The following CCDC73 variants were observed in gnomAD, a reference collection of about 807,000 sequenced individuals.
The protein encoded by CCDC73 is coiled-coil domain containing 73.
CCDC73 carries 95 observed loss-of-function variants against 116.5 expected under a neutral mutation model. That is an observed-to-expected ratio of 0.82 (90% CI 0.69 to 0.97). The LOEUF (loss-of-function observed/expected upper bound fraction) is 0.97, where lower values mean the gene tolerates loss of function less well. Ranked by LOEUF, CCDC73 falls within the 50% of genes least tolerant of loss-of-function variation. The pLI is 0.00. For missense variants in CCDC73, 1,066 were observed against 1,206.8 expected, an observed-to-expected ratio of 0.88 and a Z score of 1.73; for synonymous variants, 398 against 401.3, an observed-to-expected ratio of 0.99 and a Z score of 0.10.
intron 1 of CCDC73, among the ~76,000 whole-genome samples, chr11:32,792,315 A>G (rs1385137459): frequency 6.6e-6 from 1 of 152,158 alleles, no homozygotes. Flanking sequence ...AAAAAACATA[A>G]GTGTACACTG....
At position 32,613,975 on chromosome 11, in the gene CCDC73, A is replaced by G; in HGVS notation, c.2343T>C (p.Asn781=). The G allele has an allele frequency of 1.2e-6, 2 of 1,610,870 alleles. No individual in the cohort carries two copies. The highest frequency in any genetic ancestry group is 1.3e-5 in the African/African-American group (1 of 75,024). ...NVNISHLHLN[N]ENSHASQAKD... is the part of the protein sequence containing the mutation. Reference sequence around the variant, plus strand: ...TGGCTTGTGAAGCATGACTATTCTCATTGTTAAGATGAAGATGGGAAATGT... The same window carrying G: ...TGGCTTGTGAAGCATGACTATTCTCGTTGTTAAGATGAAGATGGGAAATGT... The change falls in exon 16 of 18, where the codon AAT becomes AAC. Residue 781 remains asparagine, a synonymous_variant. Coordinates refer to ENST00000335185, the MANE Select transcript of CCDC73 (RefSeq NM_001008391.4).
chr11:32,625,786 A>G (rs553505442), intron 14 of CCDC73, among the ~76,000 whole-genome samples: 29 of 152,236 alleles, frequency 1.9e-4, no homozygotes, highest in Non-Finnish European at 4.0e-4. Flanking sequence ...ACAGCCCTTC[A>G]TGCTAAAAAC....
intron 1 of CCDC73, among the ~76,000 whole-genome samples, chr11:32,784,992 G>C (rs368398183): frequency 6.6e-6 from 1 of 152,058 alleles, no homozygotes; most frequent in South Asian, 2.1e-4. Flanking sequence ...TGGCCAACAC[G>C]GTGAAACCCC....
At position 32,613,679 on chromosome 11, in the gene CCDC73, C is replaced by A; in HGVS notation, c.2639G>T (p.Arg880Ile). Reference protein sequence around the residue: ...HIEPSGDLVNRSGRSTFDLST... With the variant: ...HIEPSGDLVNISGRSTFDLST... ...AAGATCAAAGGTTGACCTTCCGCTT[C>A]TGTTTACTAAATCTCCAGATGGCTC... The change falls in exon 16 of 18, where the codon AGA (arginine) becomes ATA (isoleucine). Residue 880 changes from arginine to isoleucine, a missense_variant. Physicochemically the swap from Arg to Ile is moderately conservative, Grantham distance 97. Coordinates refer to ENST00000335185, the MANE Select transcript of CCDC73 (RefSeq NM_001008391.4). 1 of 1,614,104 alleles carries A rather than the reference C, an allele frequency of 6.2e-7. No homozygotes were observed. Among genetic ancestry groups the A allele is most frequent in the Non-Finnish European group, 8.5e-7 (1 of 1,179,990 alleles).
At chr11:32,751,716 T>A (rs1425901284) in intron 2 of CCDC73, among the ~76,000 whole-genome samples, 2 of 152,170 alleles carry the variant, frequency 1.3e-5, no homozygotes, top group African/African-American at 4.8e-5. Context: ...CAGTGCCTCT[T>A]TCAGCAATAT....
At chr11:32,751,978 G>A (rs2133368062) in intron 2 of CCDC73, among the ~76,000 whole-genome samples, 1 of 152,348 alleles carries the variant, frequency 6.6e-6, no homozygotes, top group South Asian at 2.1e-4. Context: ...TCATGCAGAA[G>A]CATTTATATG....
At chr11:32,744,717 G>A (rs1419499131) in intron 2 of CCDC73, among the ~76,000 whole-genome samples, 2 of 152,180 alleles carry the variant, frequency 1.3e-5, no homozygotes, top group African/African-American at 4.8e-5. Flanking sequence ...AGTATTCTCT[G>A]ACAGTAGTTT....
At chr11:32,613,348 A>C in intron 16 of CCDC73, 74 bp downstream of exon 16, 1 of 1,248,294 alleles carries the variant, frequency 8.0e-7, no homozygotes, top group Non-Finnish European at 1.1e-6. Flanking sequence ...AATTTACAAA[A>C]TATGACTGTA....
intron 1 of CCDC73, among the ~76,000 whole-genome samples, chr11:32,778,896 C>T (rs1469229836): frequency 6.6e-6 from 1 of 151,994 alleles, no homozygotes; most frequent in East Asian, 1.9e-4. Context: ...AAGAAGATTA[C>T]GTATTTCTCC....
intron 2 of CCDC73, among the ~76,000 whole-genome samples, chr11:32,728,858 C>A (rs1416815827): frequency 1.3e-5 from 2 of 152,154 alleles, no homozygotes; most frequent in Admixed American, 1.3e-4. Flanking sequence ...GAGTGCACCA[C>A]CACACTCGAC....
At chr11:32,639,163 C>A (rs1262528855) in intron 13 of CCDC73, among the ~76,000 whole-genome samples, 3 of 149,906 alleles carry the variant, frequency 2.0e-5, no homozygotes, top group East Asian at 2.0e-4. Flanking sequence ...ACACCCCCCC[C>A]AAAAAATCCT....
rs1850524850 is a variant in CCDC73 at position 32,775,333 on chromosome 11, T to C, written c.-15-15075A>G. 2.0e-5 allele frequency among the ~76,000 whole-genome samples: 3 copies of C among 152,316 alleles called. No homozygotes were observed. In the South Asian group the frequency reaches 6.2e-4, roughly 32 times the overall value. On this transcript the variant is annotated intron_variant, in intron 1 of 17. Transcript: ENST00000335185. The stretch of plus-strand genomic sequence containing the variant: ...CTGGAATGCTCTATATCCATATCTT[T>C]ATACAGAATTTCCTTTATGTTTCTG...
At chr11:32,611,558 T>C (rs924080600) in intron 16 of CCDC73, among the ~76,000 whole-genome samples, 4 of 152,158 alleles carry the variant, frequency 2.6e-5, no homozygotes, top group Non-Finnish European at 4.4e-5. Context: ...ACTCATAAAA[T>C]GTTATCATTA....
intron 9 of CCDC73, among the ~76,000 whole-genome samples, chr11:32,668,106 T>C (rs1376564863): frequency 6.6e-6 from 1 of 152,232 alleles, no homozygotes; most frequent in South Asian, 2.1e-4. Context: ...TTTGAGCATC[T>C]ACCACGTGCA....
At chr11:32,666,473 C>T (rs11031927) in intron 9 of CCDC73, among the ~76,000 whole-genome samples, 15,417 of 152,228 alleles carry the variant, frequency 0.1, 1,043 homozygotes, top group Non-Finnish European at 0.15. Context: ...CTTGTGCATT[C>T]GTCATGTAGT....
At position 32,690,064 on chromosome 11, in the gene CCDC73, A is replaced by G. The variant is rs143530437; in HGVS notation, c.391-6490T>C. Among the ~76,000 whole-genome samples, 343 of 152,306 alleles carry G rather than the reference A, an allele frequency of 2.3e-3. 1 individual carries two copies. Among genetic ancestry groups the G allele is most frequent in the African/African-American group, 8.1e-3 (335 of 41,566 alleles). On this transcript the variant is annotated intron_variant, in intron 6 of 17. Coordinates refer to ENST00000335185, the MANE Select transcript of CCDC73 (RefSeq NM_001008391.4). ...TAGAAAGTATATAAGGTATAAAGAC[A>G]TGGAGGATAAATGAGAAGATTCAAA...
chr11:32,723,307 A>G (rs1348969202), intron 2 of CCDC73, among the ~76,000 whole-genome samples: 2 of 152,190 alleles, frequency 1.3e-5, no homozygotes, highest in Non-Finnish European at 2.9e-5. Context: ...TAAGCTGACC[A>G]ATGTGAAAAT....
chr11:32,669,645 T>TC (rs1306706099), intron 9 of CCDC73, among the ~76,000 whole-genome samples: 1 of 151,528 alleles, frequency 6.6e-6, no homozygotes, highest in Non-Finnish European at 1.5e-5. Context: ...TAACCATCAT[T>TC]CTACTCTCTA....
the CCDC73 span, among the ~76,000 whole-genome samples, chr11:32,822,841 A>G: frequency 2.8e-4 from 43 of 152,276 alleles, 1 homozygote; most frequent in African/African-American, 1.0e-3. Context: ...GAAAATAAGA[A>G]AAGCATATAA....
Sources: gnomAD v4.1 joint callset for allele counts (sites outside exome capture counted in the v4.1 genomes callset) on GRCh38, gnomAD v4.1.1 for gene constraint, MANE v1.5 for transcripts, NCBI Gene and HGNC (gene_info 2026-07-23, HGNC 2026-07-21) for gene names.